DNAJC1: variants seen among roughly 807,000 people sequenced by gnomAD.
DNAJC1 encodes the protein DnaJ heat shock protein family (Hsp40) member C1, also known as dnaJ homolog subfamily C member 1.
A neutral mutation model predicts 76.6 loss-of-function variants in DNAJC1; 58 were observed. The ratio of observed to expected loss-of-function variants is 0.76; its 90% CI spans 0.61 to 0.94. DNAJC1 has a LOEUF of 0.94. Among genes scored for constraint, DNAJC1 ranks in the 40% least tolerant of loss-of-function variants. The pLI, the probability that DNAJC1 is intolerant of heterozygous loss-of-function variation, is 0.00. For missense variants in DNAJC1, 689 were observed against 677.3 expected (o/e 1.02, Z -0.19); for synonymous variants, 258 against 267.9 (o/e 0.96, Z 0.36).
intron 8 of DNAJC1, among the ~76,000 whole-genome samples, chr10:21,831,641 T>G (rs1022029969): frequency 1.1e-4 from 16 of 152,148 alleles, no homozygotes; most frequent in African/African-American, 3.9e-4. Context: ...ATTCAAAATA[T>G]TAGCCAGGCA....
chr10:21,908,488 A>AG (rs1836795448), intron 6 of DNAJC1, among the ~76,000 whole-genome samples: 1 of 48,338 alleles, frequency 2.1e-5, no homozygotes, highest in Non-Finnish European at 3.5e-5. Flanking sequence ...CCCATTTTTC[A>AG]TGGGGGGGGG....
chr10:21,878,298 A>G (rs936828020), intron 8 of DNAJC1, among the ~76,000 whole-genome samples: 4 of 152,248 alleles, frequency 2.6e-5, no homozygotes, highest in African/African-American at 9.6e-5. Flanking sequence ...GATGATTAGC[A>G]TCATCGGGAG....
intron 8 of DNAJC1, among the ~76,000 whole-genome samples, chr10:21,875,387 C>T (rs1286969642): frequency 6.6e-6 from 1 of 152,152 alleles, no homozygotes; most frequent in Non-Finnish European, 1.5e-5. Context: ...AAGTCCTGAC[C>T]TCAAACAATC....
intron 8 of DNAJC1, among the ~76,000 whole-genome samples, chr10:21,813,214 C>CTATATATATA (rs1275585803): frequency 2.3e-5 from 1 of 42,678 alleles, no homozygotes; most frequent in Non-Finnish European, 4.1e-5. Flanking sequence ...CTCTCTCTCT[C>CTATATATATA]TCTCTCTATA....
chr10:21,936,904 A>G (rs1421649672), intron 1 of DNAJC1, among the ~76,000 whole-genome samples: 2 of 152,184 alleles, frequency 1.3e-5, no homozygotes, highest in Non-Finnish European at 2.9e-5. Flanking sequence ...AACAAATAGC[A>G]AAATAGCAAA....
chr10:21,863,065 G>A (rs1367042705), intron 8 of DNAJC1, among the ~76,000 whole-genome samples: 2 of 152,096 alleles, frequency 1.3e-5, no homozygotes, highest in Non-Finnish European at 2.9e-5. Context: ...CCGGGAGGCG[G>A]AGGTTGCAGT....
At chr10:21,939,459 T>C (rs1231470822) in intron 1 of DNAJC1, among the ~76,000 whole-genome samples, 1 of 152,200 alleles carries the variant, frequency 6.6e-6, no homozygotes, top group African/African-American at 2.4e-5. Flanking sequence ...GCATATATGA[T>C]AGTGGTTCCC....
At chr10:21,820,024 C>G (rs1251713930) in intron 8 of DNAJC1, among the ~76,000 whole-genome samples, 3 of 152,208 alleles carry the variant, frequency 2.0e-5, no homozygotes, top group African/African-American at 7.2e-5. Flanking sequence ...TTCATAAAGT[C>G]ATGCACAATT....
At chr10:21,889,001 T>C (rs904681507) in intron 7 of DNAJC1, among the ~76,000 whole-genome samples, 1 of 152,218 alleles carries the variant, frequency 6.6e-6, no homozygotes, top group Admixed American at 6.5e-5. Flanking sequence ...AAAAAATCTT[T>C]TTTCAAAATG....
At chr10:21,903,857 T>C (rs1243062590) in intron 7 of DNAJC1, among the ~76,000 whole-genome samples, 1 of 151,950 alleles carries the variant, frequency 6.6e-6, no homozygotes, top group Non-Finnish European at 1.5e-5. Flanking sequence ...AATATATAAA[T>C]TAAAGTAGTA....
At chr10:21,945,233 G>T (rs1472498066) in intron 1 of DNAJC1, among the ~76,000 whole-genome samples, 2 of 152,188 alleles carry the variant, frequency 1.3e-5, no homozygotes, top group African/African-American at 2.4e-5. Context: ...AACTGGACCA[G>T]CTATTATGAA....
intron 9 of DNAJC1, among the ~76,000 whole-genome samples, chr10:21,774,773 G>A (rs748649810): frequency 1.3e-5 from 2 of 152,080 alleles, no homozygotes; most frequent in African/African-American, 2.4e-5. Context: ...CACCGCGCCC[G>A]GCCTAAACAT....
At chr10:21,853,853 A>C (rs1835791523) in intron 8 of DNAJC1, among the ~76,000 whole-genome samples, 1 of 150,766 alleles carries the variant, frequency 6.6e-6, no homozygotes, top group African/African-American at 2.4e-5. Context: ...TGGTTCATCC[A>C]TTTGAATCTA....
intron 8 of DNAJC1, among the ~76,000 whole-genome samples, chr10:21,830,422 C>T (rs149226147): frequency 2.6e-5 from 4 of 152,188 alleles, no homozygotes; most frequent in African/African-American, 7.2e-5. Context: ...TATTTTCCTA[C>T]TTTCTTCTGA....
chr10:21,918,130 T>C (rs1836983663), intron 6 of DNAJC1, among the ~76,000 whole-genome samples: 1 of 151,960 alleles, frequency 6.6e-6, no homozygotes, highest in Non-Finnish European at 1.5e-5. Context: ...TCAAACCTGA[T>C]GCAAAAATCA....
At chr10:21,763,306 C>T (rs1834261469) in intron 10 of DNAJC1, among the ~76,000 whole-genome samples, 1 of 152,148 alleles carries the variant, frequency 6.6e-6, no homozygotes, top group Non-Finnish European at 1.5e-5. Context: ...GTTAAAAATC[C>T]ATCTTTATTT....
At chr10:21,944,448 G>C (rs1404017447) in intron 1 of DNAJC1, among the ~76,000 whole-genome samples, 1 of 152,058 alleles carries the variant, frequency 6.6e-6, no homozygotes, top group Non-Finnish European at 1.5e-5. Context: ...TAATTCTCTG[G>C]AAGACAGACC....
chr10:21,775,686 A>C (rs965260377), intron 9 of DNAJC1, among the ~76,000 whole-genome samples: 4 of 152,298 alleles, frequency 2.6e-5, no homozygotes, highest in African/African-American at 9.6e-5. Context: ...TTATTTTCTC[A>C]AATAGTACAT....
chr10:21,868,844 TC>T (rs1836054263), intron 8 of DNAJC1, among the ~76,000 whole-genome samples: 2 of 152,056 alleles, frequency 1.3e-5, no homozygotes, highest in South Asian at 4.2e-4. Flanking sequence ...CATTATACCC[TC>T]CTCCCTTTGG....
Sources: gnomAD v4.1 joint callset for allele counts (sites outside exome capture counted in the v4.1 genomes callset) on GRCh38, gnomAD v4.1.1 for gene constraint, MANE v1.5 for transcripts, NCBI Gene and HGNC (gene_info 2026-07-23, HGNC 2026-07-21) for gene names.